The following DCDC1 variants were observed in gnomAD, a reference collection of about 807,000 sequenced individuals.
DCDC1 encodes the protein doublecortin domain containing 1.
Under a neutral mutation model 178.3 loss-of-function variants are expected in DCDC1, and 200 were observed. The ratio of observed to expected loss-of-function variants is 1.12; its 90% CI spans 1.00 to 1.26. The LOEUF is 1.26. Ranked by LOEUF, DCDC1 falls within the 50% of genes most tolerant of loss-of-function variation. The pLI is 0.00. For missense variants in DCDC1, 1,983 were observed against 1,749.2 expected (o/e 1.13, Z -2.38); for synonymous variants, 690 against 604.8 (o/e 1.14, Z -2.07).
chr11:30,893,150 C>T (rs1157563918), intron 35 of DCDC1, among the ~76,000 whole-genome samples, 153 bp from the exon 36 acceptor site: 1 of 152,094 alleles, frequency 6.6e-6, no homozygotes, highest in East Asian at 1.9e-4. Flanking sequence ...CCTCTCTTGT[C>T]ACTGACTCTG....
chr11:30,956,638 T>C (rs1948790129), intron 20 of DCDC1, among the ~76,000 whole-genome samples: 1 of 152,136 alleles, frequency 6.6e-6, no homozygotes, highest in African/African-American at 2.4e-5. Flanking sequence ...TAAAGTTATT[T>C]TTCTTTTATT....
At chr11:30,904,887 C>T in intron 31 of DCDC1, 74 bp downstream of exon 31, 2 of 1,567,210 alleles carry the variant, frequency 1.3e-6, no homozygotes, top group Non-Finnish European at 1.8e-6. Context: ...AATCCCACTG[C>T]TTTTTCTTTA....
intron 36 of DCDC1, among the ~76,000 whole-genome samples, chr11:30,886,972 A>T (rs1943232001): frequency 6.6e-6 from 1 of 152,208 alleles, no homozygotes; most frequent in Non-Finnish European, 1.5e-5. Context: ...AAAAAAATAT[A>T]TAAATAATTT....
chr11:30,873,081 CTCTCTCTCTG>C (rs1286551001), intron 38 of DCDC1, among the ~76,000 whole-genome samples: 9 of 150,190 alleles, frequency 6.0e-5, no homozygotes, highest in South Asian at 2.1e-4. Context: ...CTCTCTCTGT[CTCTCTCTCTG>C]TCTCTCTCTG....
At chr11:31,142,508 G>A (rs201043046) in intron 9 of DCDC1, among the ~76,000 whole-genome samples, 2 of 140,722 alleles carry the variant, frequency 1.4e-5, no homozygotes, top group African/African-American at 2.6e-5. Flanking sequence ...GTGTGTGTGT[G>A]TATACACATA....
At chr11:31,124,297 G>A (rs1324443499) in intron 11 of DCDC1, among the ~76,000 whole-genome samples, 2 of 151,978 alleles carry the variant, frequency 1.3e-5, no homozygotes, top group Non-Finnish European at 2.9e-5. Context: ...TTTGTCTTTA[G>A]TTCTGTTTAT....
chr11:31,309,168 A>G (rs201582608), intron 3 of DCDC1, among the ~76,000 whole-genome samples: 46 of 96,134 alleles, frequency 4.8e-4, no homozygotes, highest in Middle Eastern at 6.5e-3. Context: ...GTGTGTGTGT[A>G]TGTGTGTGAG....
chr11:31,144,715 T>C (rs1964251210), intron 9 of DCDC1, among the ~76,000 whole-genome samples: 1 of 152,190 alleles, frequency 6.6e-6, no homozygotes, highest in Non-Finnish European at 1.5e-5. Context: ...TTCTTTTATG[T>C]TGTATGTTTA....
At chr11:31,296,852 T>TG (rs56749227) in intron 6 of DCDC1, among the ~76,000 whole-genome samples, 97,917 of 151,624 alleles carry the variant, frequency 0.65, 31,975 homozygotes, top group African/African-American at 0.7. Flanking sequence ...GAAAACAGCA[T>TG]GGGGGGGACC....
intron 20 of DCDC1, among the ~76,000 whole-genome samples, chr11:31,043,209 T>G (rs1299776472): frequency 6.6e-6 from 1 of 152,238 alleles, no homozygotes; most frequent in Non-Finnish European, 1.5e-5. Flanking sequence ...AGTCTGTCAC[T>G]GACCAAAATT....
intron 20 of DCDC1, among the ~76,000 whole-genome samples, chr11:30,974,739 G>A (rs1357660139): frequency 6.6e-6 from 1 of 152,068 alleles, no homozygotes; most frequent in African/African-American, 2.4e-5. Context: ...GCAAAGAAAA[G>A]TCCAGGACCT....
intron 31 of DCDC1, 132 bp downstream of exon 31, chr11:30,904,829 A>G (rs1196148436): frequency 2.0e-6 from 2 of 985,328 alleles, no homozygotes; most frequent in African/African-American, 3.2e-5. Context: ...AGAGATCTTC[A>G]TCTCATCAGC....
chr11:31,264,896 T>C (rs1014331167), intron 8 of DCDC1, among the ~76,000 whole-genome samples: 1 of 152,188 alleles, frequency 6.6e-6, no homozygotes, highest in African/African-American at 2.4e-5. Context: ...GAACTCTGCA[T>C]TCAGTAGTAG....
intron 9 of DCDC1, among the ~76,000 whole-genome samples, chr11:31,158,200 C>T (rs1304256138): frequency 6.6e-6 from 1 of 152,086 alleles, no homozygotes; most frequent in Non-Finnish European, 1.5e-5. Context: ...GCTCTGCCTC[C>T]CAGGTTCATG....
chr11:31,104,643 T>C (rs1958733655), intron 13 of DCDC1, among the ~76,000 whole-genome samples: 1 of 152,120 alleles, frequency 6.6e-6, no homozygotes, highest in African/African-American at 2.4e-5. Flanking sequence ...AGAGTGTATA[T>C]TAGAGGATAT....
intron 9 of DCDC1, among the ~76,000 whole-genome samples, chr11:31,168,993 T>C (rs1388389814): frequency 2.6e-5 from 4 of 152,096 alleles, no homozygotes; most frequent in Non-Finnish European, 5.9e-5. Flanking sequence ...TAAATTCCCA[T>C]CAATGATAGA....
At chr11:31,267,532 A>G (rs996062713) in intron 7 of DCDC1, among the ~76,000 whole-genome samples, 2 of 152,244 alleles carry the variant, frequency 1.3e-5, no homozygotes, top group Non-Finnish European at 2.9e-5. Flanking sequence ...GGAAAAGATC[A>G]TTCGCAACAT....
chr11:30,899,607 A>G lies in DCDC1; in HGVS notation c.4699T>C (p.Trp1567Arg). The G allele has an allele frequency of 6.4e-7, 1 of 1,573,808 alleles. No homozygotes were observed. Among genetic ancestry groups the G allele is most frequent in the Middle Eastern group, 1.7e-4 (1 of 5,928 alleles). The change falls in exon 34 of 39, where the codon TGG (tryptophan) becomes CGG (arginine). Residue 1567 changes from tryptophan (W) to arginine (R), a missense_variant. Physicochemically the swap from Trp to Arg is moderately radical, Grantham distance 101. Transcript: ENST00000684477. ...QKAEKLEKQN[W>R]LKKDRILADL... ...GCCAAAATTCTGTCCTTTTTTAGCC[A>G]GTTCTGTTTCTCTAATTTTTCTGCT...
chr11:31,000,012 G>A (rs1354343938), intron 20 of DCDC1, among the ~76,000 whole-genome samples: 1 of 152,070 alleles, frequency 6.6e-6, no homozygotes, highest in African/African-American at 2.4e-5. Flanking sequence ...AGTGGCTTCA[G>A]GTAAGAGGAA....
Sources: allele counts gnomAD v4.1 joint callset (sites outside exome capture counted in the v4.1 genomes callset), GRCh38; gene constraint gnomAD v4.1.1; transcripts MANE v1.5; gene names NCBI Gene and HGNC (gene_info 2026-07-23, HGNC 2026-07-21).